Variants in DNAH6 observed in about 807,000 individuals in gnomAD.
DNAH6 encodes axonemal beta dynein heavy chain 6.
DNAH6 carries 340 observed loss-of-function variants against 491.4 expected under a neutral mutation model. The observed-to-expected ratio is 0.69, with a 90% CI of 0.63 to 0.76. The LOEUF (loss-of-function observed/expected upper bound fraction) is 0.76. Among genes scored for constraint, DNAH6 ranks in the 30% least tolerant of loss-of-function variants. DNAH6 has a pLI of 0.00. For synonymous variants in DNAH6, 1,603 were observed against 1,686.1 expected (o/e 0.95, Z 1.21); for missense variants, 4,443 against 4,972.2 (o/e 0.89, Z 3.20).
chr2:84,547,774 G>A (rs1678921073), intron 7 of DNAH6, among the ~76,000 whole-genome samples, 162 bp downstream of exon 7: 1 of 152,052 alleles, frequency 6.6e-6, no homozygotes, highest in Non-Finnish European at 1.5e-5. Flanking sequence ...TGGAAGGGAG[G>A]GAAATAGAAA....
intron 64 of DNAH6, among the ~76,000 whole-genome samples, chr2:84,776,315 G>T (rs1181865274): frequency 6.6e-6 from 1 of 152,128 alleles, no homozygotes; most frequent in East Asian, 1.9e-4. Flanking sequence ...CCTCAGAGGT[G>T]GTAGAACTAT....
intron 38 of DNAH6, 24 bp from the exon 39 acceptor site, chr2:84,670,304 T>C: frequency 6.9e-7 from 1 of 1,447,310 alleles, no homozygotes; most frequent in Non-Finnish European, 9.4e-7. Flanking sequence ...TCATGTGACA[T>C]TAATTAACTT....
chr2:84,662,135 G>C (rs1691570189), intron 37 of DNAH6, among the ~76,000 whole-genome samples: 1 of 152,096 alleles, frequency 6.6e-6, no homozygotes, highest in Non-Finnish European at 1.5e-5. Context: ...ACAGAAAGTA[G>C]AGTGAATTGA....
At chr2:84,507,241 T>C in the DNAH6 span, among the ~76,000 whole-genome samples, 5 of 152,232 alleles carry the variant, frequency 3.3e-5, no homozygotes, top group Non-Finnish European at 7.3e-5. Flanking sequence ...TTTTATTTCA[T>C]TGAGCAGTGG....
the DNAH6 span, among the ~76,000 whole-genome samples, chr2:84,481,109 T>C: frequency 2.6e-4 from 40 of 152,162 alleles, no homozygotes; most frequent in Admixed American, 1.8e-3. Flanking sequence ...TGGAAAGACT[T>C]GTGTGTACTT....
the DNAH6 span, among the ~76,000 whole-genome samples, chr2:84,464,869 A>C: frequency 1.3e-5 from 2 of 152,066 alleles, no homozygotes; most frequent in African/African-American, 2.4e-5. Context: ...AGAATGCCTT[A>C]AGTGTCTGGG....
chr2:84,632,118 C>A (rs1232123470), intron 29 of DNAH6, among the ~76,000 whole-genome samples: 2 of 152,216 alleles, frequency 1.3e-5, no homozygotes, highest in Non-Finnish European at 2.9e-5. Context: ...GATCACCTGA[C>A]TTGAAAAAGT....
chr2:84,668,507 A>T (rs1692394203), intron 37 of DNAH6, among the ~76,000 whole-genome samples: 1 of 152,190 alleles, frequency 6.6e-6, no homozygotes. Context: ...TGTTGCTCTA[A>T]GATTTTTAAT....
intron 42 of DNAH6, among the ~76,000 whole-genome samples, 171 bp from the exon 43 acceptor site, chr2:84,685,155 G>T (rs569758387): frequency 4.6e-5 from 7 of 152,080 alleles, no homozygotes; most frequent in Non-Finnish European, 1.0e-4. Context: ...TCCCAGATTT[G>T]TTATCAAAAA....
chr2:84,816,053 G>A lies in DNAH6; in HGVS notation c.12343G>A (p.Gly4115Arg). 6.4e-7 allele frequency: 1 copy of A among 1,551,566 alleles called. No homozygotes were observed. Among genetic ancestry groups the A allele is most frequent in the African/African-American group, 1.4e-5 (1 of 73,104 alleles). The change falls in exon 76 of 77, where the codon GGA becomes AGA. Residue 4115 changes from glycine to arginine, a missense_variant. Transcript: ENST00000389394. ...TLYHCPLYKT[G>R]ARAGTLSTTG... ...TTACCACTGCCCACTTTATAAAACA[G>A]GAGCCCGGGCAGGAACACTCTCAAC...
chr2:84,781,500 T>A lies in DNAH6; in HGVS notation c.10711T>A (p.Ser3571Thr). 2 of 1,549,468 alleles carry A rather than the reference T, an allele frequency of 1.3e-6. No homozygotes were observed. Among genetic ancestry groups the A allele is most frequent in the Non-Finnish European group, 1.7e-6 (2 of 1,145,390 alleles). The change falls in exon 65 of 77, where the codon TCA becomes ACA. Residue 3571 changes from serine to threonine, a missense_variant. By Grantham distance (58) the Ser-to-Thr change is moderately conservative. Around this residue, in one of 3 missense-constraint regions of DNAH6, gnomAD observed 1,463 missense variants for 1,656.6 expected, o/e 0.88. Transcript: ENST00000389394. ...RESGYSERVQ[S>T]ISLGQGQGPI... ...TCTTGCTGTTCAATTCAGGGTGCAG[T>A]CAATTTCACTGGGGCAAGGACAAGG...
the DNAH6 span, among the ~76,000 whole-genome samples, chr2:84,500,727 T>A: frequency 6.6e-6 from 1 of 152,206 alleles, no homozygotes; most frequent in Admixed American, 6.5e-5. Context: ...TTCATACTTT[T>A]CATTATAGAA....
the DNAH6 span, among the ~76,000 whole-genome samples, chr2:84,486,303 A>G: frequency 2.0e-5 from 3 of 152,168 alleles, no homozygotes; most frequent in Non-Finnish European, 4.4e-5. Context: ...GAACCCCAAA[A>G]CCTTAAAAGC....
At chr2:84,552,047 TCA>T (rs1558700027) in intron 9 of DNAH6, among the ~76,000 whole-genome samples, 1 of 83,478 alleles carries the variant, frequency 1.2e-5, no homozygotes, top group African/African-American at 5.2e-5. Context: ...AAACTCCGTC[TCA>T]AAAAAAAAAA....
chr2:84,799,697 T>C (rs1251994453), intron 70 of DNAH6, among the ~76,000 whole-genome samples: 1 of 152,204 alleles, frequency 6.6e-6, no homozygotes, highest in African/African-American at 2.4e-5. Flanking sequence ...AGACAGTCTT[T>C]GGTGCAAAGC....
intron 29 of DNAH6, among the ~76,000 whole-genome samples, chr2:84,632,179 T>C (rs145814530): frequency 0.014 from 2,125 of 152,334 alleles, 27 homozygotes; most frequent in Non-Finnish European, 0.021. Flanking sequence ...ATGATCAATA[T>C]TTGGAACTGC....
At chr2:84,810,097 A>G (rs1391516598) in intron 72 of DNAH6, among the ~76,000 whole-genome samples, 2 of 152,020 alleles carry the variant, frequency 1.3e-5, no homozygotes, top group African/African-American at 4.8e-5. Flanking sequence ...CTTATCCATA[A>G]TGTCTTCCTG....
chr2:84,472,565 G>T, the DNAH6 span, among the ~76,000 whole-genome samples: 1 of 152,150 alleles, frequency 6.6e-6, no homozygotes, highest in African/African-American at 2.4e-5. Context: ...TAAACCTCTA[G>T]GGTTAACTCC....
chr2:84,504,834 G>A, the DNAH6 span, among the ~76,000 whole-genome samples: 1 of 152,128 alleles, frequency 6.6e-6, no homozygotes, highest in East Asian at 1.9e-4. Flanking sequence ...TATTGTTTGG[G>A]CTACTTAAGG....
Sources: gnomAD v4.1 joint callset for allele counts (sites outside exome capture counted in the v4.1 genomes callset) on GRCh38, gnomAD v4.1.1 for gene constraint, gnomAD v4.1.1 regional missense constraint, MANE v1.5 for transcripts, NCBI Gene and HGNC (gene_info 2026-07-23, HGNC 2026-07-21) for gene names.